Variants in PCSK5 observed in about 807,000 individuals in gnomAD.
The protein encoded by PCSK5 is proprotein convertase subtilisin/kexin type 5.
PCSK5 carries 129 observed loss-of-function variants against 233.2 expected under a neutral mutation model. That is an observed-to-expected ratio of 0.55 (90% CI 0.48 to 0.64). The LOEUF (loss-of-function observed/expected upper bound fraction) is 0.64. PCSK5 is among the 30% of genes least tolerant of loss of function. The pLI, the probability that PCSK5 is intolerant of heterozygous loss-of-function variation, is 0.00. For synonymous variants in PCSK5, 825 were observed against 879.2 expected, an observed-to-expected ratio of 0.94 and a Z score of 1.09; for missense variants, 2,076 against 2,430.1, an observed-to-expected ratio of 0.85 and a Z score of 3.06.
Position 75,954,938 on chromosome 9 carries a change from TTC to T in PCSK5, c.297+22459_297+22460del, listed in dbSNP as rs543964133. On this transcript the variant is annotated intron_variant, in intron 2 of 37. Coordinates refer to ENST00000674117, the MANE Select transcript of PCSK5 (RefSeq NM_001372043.1). ...ACCTTCTCTCTGAACCATGAAATAT[TTC>T]TCTTTTTAAAATAGACATCTTCCTT... Among the ~76,000 whole-genome samples the T allele has an allele frequency of 2.4e-4, 36 of 152,346 alleles. No homozygotes were observed. In the South Asian group the frequency reaches 7.5e-3, roughly 32 times the overall value.
chr9:76,329,326 A>AT (rs1179773297), intron 33 of PCSK5, among the ~76,000 whole-genome samples: 6 of 143,558 alleles, frequency 4.2e-5, no homozygotes, highest in Admixed American at 7.0e-5. Context: ...ATGTCCAGCC[A>AT]TTTTTTTTTC....
intron 1 of PCSK5, among the ~76,000 whole-genome samples, chr9:75,897,198 A>G (rs770397342): frequency 3.2e-4 from 49 of 152,200 alleles, no homozygotes; most frequent in Non-Finnish European, 2.4e-4. Context: ...AAAGACACCT[A>G]AGAGATGCAC....
chr9:76,033,887 C>T (rs1828747888), intron 5 of PCSK5, among the ~76,000 whole-genome samples: 1 of 152,128 alleles, frequency 6.6e-6, no homozygotes, highest in African/African-American at 2.4e-5. Context: ...CAAAGCCCCA[C>T]CTCTTAACAC....
chr9:75,914,720 G>A (rs1822906620), intron 1 of PCSK5, among the ~76,000 whole-genome samples: 1 of 152,124 alleles, frequency 6.6e-6, no homozygotes, highest in African/African-American at 2.4e-5. Context: ...TCAGTAGGAT[G>A]TATATATTTC....
At chr9:76,186,581 A>G (rs1824113244) in intron 17 of PCSK5, among the ~76,000 whole-genome samples, 1 of 152,186 alleles carries the variant, frequency 6.6e-6, no homozygotes, top group Non-Finnish European at 1.5e-5. Context: ...TTTTGGAAGC[A>G]GCAGAAAGCT....
chr9:75,939,363 T>C (rs1026878675), intron 2 of PCSK5, among the ~76,000 whole-genome samples: 4 of 152,236 alleles, frequency 2.6e-5, no homozygotes, highest in African/African-American at 9.6e-5. Flanking sequence ...CACATCTTTC[T>C]TTTTGACTTG....
intron 1 of PCSK5, 82 bp downstream of exon 1, chr9:75,891,455 C>A: frequency 1.7e-6 from 2 of 1,147,840 alleles, no homozygotes; most frequent in South Asian, 1.5e-5. Context: ...ACCCCCTCCC[C>A]CTCTTCCAGA....
At chr9:76,162,430 G>A (rs1178347026) in intron 12 of PCSK5, among the ~76,000 whole-genome samples, 1 of 152,152 alleles carries the variant, frequency 6.6e-6, no homozygotes, top group Non-Finnish European at 1.5e-5. Flanking sequence ...TTCCCAGAAT[G>A]GAGAGCTGGG....
At chr9:76,264,182 AAAT>A (rs1827265796) in intron 24 of PCSK5, among the ~76,000 whole-genome samples, 1 of 152,216 alleles carries the variant, frequency 6.6e-6, no homozygotes. Flanking sequence ...CTCTGCAACA[AAAT>A]TGACAAAAAT....
intron 1 of PCSK5, among the ~76,000 whole-genome samples, chr9:75,920,284 A>G (rs1274097264): frequency 1.3e-5 from 2 of 152,096 alleles, no homozygotes; most frequent in African/African-American, 4.8e-5. Flanking sequence ...TCTCTATCAC[A>G]TGTTTTTTGC....
intron 24 of PCSK5, among the ~76,000 whole-genome samples, chr9:76,287,608 T>C (rs2842489): frequency 0.21 from 31,928 of 151,964 alleles, 3,471 homozygotes; most frequent in Middle Eastern, 0.27. Context: ...TACAGGCACC[T>C]ACCACCACAC....
At chr9:75,896,160 G>C (rs1358549801) in intron 1 of PCSK5, among the ~76,000 whole-genome samples, 1 of 152,166 alleles carries the variant, frequency 6.6e-6, no homozygotes, top group African/African-American at 2.4e-5. Flanking sequence ...TATTTCTTAT[G>C]ATGAGGCAAA....
chr9:76,058,974 C>T (rs539243362), intron 5 of PCSK5, among the ~76,000 whole-genome samples: 8 of 152,142 alleles, frequency 5.3e-5, no homozygotes, highest in Admixed American at 5.2e-4. Flanking sequence ...GCGAGACCCA[C>T]ACCCACTTCC....
chr9:75,985,784 C>A (rs1826486419), intron 2 of PCSK5, among the ~76,000 whole-genome samples: 1 of 151,938 alleles, frequency 6.6e-6, no homozygotes, highest in African/African-American at 2.4e-5. Flanking sequence ...GTTGGCTAGC[C>A]CTTAGTATAA....
chr9:76,031,946 G>A (rs528513749), intron 5 of PCSK5, among the ~76,000 whole-genome samples: 43 of 152,228 alleles, frequency 2.8e-4, no homozygotes, highest in Admixed American at 1.0e-3. Flanking sequence ...GTTTGTCTGC[G>A]TCCTTGGGGG....
intron 24 of PCSK5, among the ~76,000 whole-genome samples, chr9:76,273,309 C>A (rs1398124715): frequency 4.6e-5 from 7 of 152,058 alleles, no homozygotes; most frequent in African/African-American, 1.4e-4. Context: ...CTTAGCAATA[C>A]TGAAAACACA....
At chr9:75,940,580 C>T (rs1386462951) in intron 2 of PCSK5, among the ~76,000 whole-genome samples, 1 of 152,216 alleles carries the variant, frequency 6.6e-6, no homozygotes, top group African/African-American at 2.4e-5. Flanking sequence ...CTCATTCAGG[C>T]TGGTGCCTGT....
intron 32 of PCSK5, among the ~76,000 whole-genome samples, chr9:76,327,214 C>T (rs191388903): frequency 4.6e-4 from 70 of 151,810 alleles, no homozygotes; most frequent in African/African-American, 1.7e-3. Flanking sequence ...TCAGGAGATC[C>T]TTCCACCTTA....
chr9:76,279,169 T>A (rs1396549578), intron 24 of PCSK5, among the ~76,000 whole-genome samples: 10 of 148,714 alleles, frequency 6.7e-5, no homozygotes, highest in African/African-American at 2.2e-4. Flanking sequence ...GGTGTTTGGT[T>A]TTTTGTTCTT....
Sources: gnomAD v4.1 joint callset for allele counts (sites outside exome capture counted in the v4.1 genomes callset) on GRCh38, gnomAD v4.1.1 for gene constraint, MANE v1.5 for transcripts, NCBI Gene and HGNC (gene_info 2026-07-23, HGNC 2026-07-21) for gene names.